FER1L6: variants seen among roughly 807,000 people sequenced by gnomAD.
FER1L6 encodes the protein fer-1-like protein 6.
In FER1L6, 177 loss-of-function variants were observed where a neutral mutation model predicts 219.2. The observed-to-expected ratio is 0.81, with a 90% confidence interval of 0.71 to 0.91. FER1L6 has a LOEUF of 0.91. FER1L6 is among the 40% of genes least tolerant of loss of function. FER1L6 has a pLI of 0.00. For missense variants in FER1L6, 2,153 were observed against 2,259.9 expected (o/e 0.95, Z 0.96); for synonymous variants, 768 against 824.3 (o/e 0.93, Z 1.17).
At chr8:124,054,199 T>G in intron 22 of FER1L6, among the ~76,000 whole-genome samples, 1 of 152,160 alleles carries the variant, frequency 6.6e-6, no homozygotes, top group East Asian at 1.9e-4. Context: ...ATCCTCCACA[T>G]TCCTTCCAGA....
chr8:123,908,524 T>C (rs1411942171), intron 1 of FER1L6, among the ~76,000 whole-genome samples: 1 of 152,228 alleles, frequency 6.6e-6, no homozygotes, highest in Non-Finnish European at 1.5e-5. Flanking sequence ...AGATGTGAAA[T>C]GGGAAAATAT....
At chr8:124,001,433 C>T (rs936723173) in intron 12 of FER1L6, among the ~76,000 whole-genome samples, 51 of 152,294 alleles carry the variant, frequency 3.3e-4, no homozygotes, top group African/African-American at 1.2e-3. Flanking sequence ...TCTCTGCTCT[C>T]ATGCTCTGCC....
At chr8:123,856,540 G>A (rs900284199) in intron 1 of FER1L6, among the ~76,000 whole-genome samples, 5 of 151,390 alleles carry the variant, frequency 3.3e-5, no homozygotes, top group African/African-American at 1.2e-4. Context: ...GCAAAATGAA[G>A]TTAATGCGAT....
chr8:123,961,539 G>T (rs180975466), intron 2 of FER1L6, among the ~76,000 whole-genome samples: 91 of 152,262 alleles, frequency 6.0e-4, no homozygotes, highest in Non-Finnish European at 9.7e-4. Context: ...TTGATGGTCT[G>T]GGAAGCATAG....
chr8:123,989,994 C>T (rs191743632), intron 12 of FER1L6, among the ~76,000 whole-genome samples: 132 of 152,120 alleles, frequency 8.7e-4, no homozygotes, highest in African/African-American at 2.7e-3. Flanking sequence ...ACTGGCTGGG[C>T]GCGGTGGCTC....
intron 19 of FER1L6, among the ~76,000 whole-genome samples, chr8:124,037,199 C>G (rs1293589513): frequency 6.6e-6 from 1 of 152,174 alleles, no homozygotes; most frequent in Non-Finnish European, 1.5e-5. Flanking sequence ...TGTGTGGCTG[C>G]CATTGGGAGG....
At position 124,060,279 on chromosome 8, in the gene FER1L6, T is replaced by A. The variant is rs757995575; in HGVS notation, c.2974T>A (p.Tyr992Asn). 4 of 1,613,926 alleles carry A rather than the reference T, an allele frequency of 2.5e-6. No homozygotes were observed. The highest frequency in any genetic ancestry group is 3.4e-6 in the Non-Finnish European group (4 of 1,179,970). Residue 992 changes from tyrosine (Y) to asparagine (N), a missense_variant, in exon 23 of 41, where the codon TAC becomes AAC. By Grantham distance (143) the Tyr-to-Asn change is moderately radical (BLOSUM62 -2). Coordinates refer to ENST00000522917, the MANE Select transcript of FER1L6 (RefSeq NM_001039112.2). The part of the protein sequence containing the change: ...PANIRPVLSK[Y>N]RVEVLFWGVR... ...CAACATTCGGCCGGTGCTGAGCAAA[T>A]ACCGAGTGGAGGTACGGGTCAGCGG...
rs890753456 is a variant in FER1L6, at chr8:124,035,538, G to GT, written c.2464+90dup. 1.2e-5 allele frequency: 17 copies of GT among 1,376,780 alleles called. No homozygotes were observed. The African/African-American group carries it at 2.5e-4, about 20-fold the overall frequency. 85.3% of individuals were successfully genotyped at this position (1,376,780 alleles called of 1,614,324 possible). ...ATAATAAGGAGGGCAGCATGCATGAGTTTTTTGCACATTATTTTAGGGCCA... is the reference window on the plus strand; with the variant it reads ...ATAATAAGGAGGGCAGCATGCATGAGTTTTTTTGCACATTATTTTAGGGCCA... On this transcript the variant is annotated intron_variant, in intron 19 of 40. Transcript: ENST00000522917.
At chr8:124,040,170 TG>T (rs1440440567) in intron 20 of FER1L6, among the ~76,000 whole-genome samples, 164 bp downstream of exon 20, 1 of 152,086 alleles carries the variant, frequency 6.6e-6, no homozygotes, top group Non-Finnish European at 1.5e-5. Flanking sequence ...AGGACTGGTG[TG>T]GGGAAGGTCT....
intron 10 of FER1L6, among the ~76,000 whole-genome samples, chr8:123,979,745 T>A (rs1270202279): frequency 6.6e-6 from 1 of 152,230 alleles, no homozygotes; most frequent in East Asian, 1.9e-4. Context: ...GATGAAGTGG[T>A]CCTTGAACCA....
chr8:124,037,184 C>G (rs569915659), intron 19 of FER1L6, among the ~76,000 whole-genome samples: 33 of 152,224 alleles, frequency 2.2e-4, no homozygotes, highest in Non-Finnish European at 4.6e-4. Flanking sequence ...GTGCAGTGCA[C>G]AGCTTGTGTG....
intron 13 of FER1L6, among the ~76,000 whole-genome samples, chr8:124,008,054 C>T (rs555243663): frequency 1.3e-5 from 2 of 152,146 alleles, no homozygotes; most frequent in Non-Finnish European, 2.9e-5. Context: ...GAGCAGTATA[C>T]GCTGAACCCA....
intron 39 of FER1L6, among the ~76,000 whole-genome samples, chr8:124,108,865 G>C (rs1267995269): frequency 1.3e-5 from 2 of 152,086 alleles, no homozygotes; most frequent in African/African-American, 4.8e-5. Flanking sequence ...GCAACATAGG[G>C]AGTCCCTGTC....
chr8:124,106,502 C>T (rs982512198), intron 39 of FER1L6, among the ~76,000 whole-genome samples: 3 of 150,330 alleles, frequency 2.0e-5, no homozygotes, highest in Non-Finnish European at 4.5e-5. Flanking sequence ...GAAACCTCCA[C>T]AGTTTCATCT....
intron 39 of FER1L6, among the ~76,000 whole-genome samples, chr8:124,106,589 C>T (rs1041855143): frequency 1.3e-5 from 2 of 152,072 alleles, no homozygotes; most frequent in Admixed American, 1.3e-4. Flanking sequence ...GTCCTTCTGC[C>T]TGGATTGCCT....
At chr8:123,947,409 C>A (rs1814549457) in intron 1 of FER1L6, among the ~76,000 whole-genome samples, 1 of 152,168 alleles carries the variant, frequency 6.6e-6, no homozygotes. Flanking sequence ...GAACAATTTC[C>A]TTTTTCTCCC....
chr8:123,997,436 GT>G (rs1817184800), intron 12 of FER1L6, among the ~76,000 whole-genome samples: 1 of 151,978 alleles, frequency 6.6e-6, no homozygotes, highest in South Asian at 2.1e-4. Context: ...CTGCTTTTAG[GT>G]TCTTTATCCT....
At position 124,118,954 on chromosome 8, in the gene FER1L6, G is replaced by GTTGC. The variant is rs112293476; in HGVS notation, c.5390+12_5390+15dup. On this transcript the variant is annotated intron_variant, in intron 40 of 40. Transcript: ENST00000522917. ...CCCTGGCCAAGCCCAAGTGAGTGGA[G>GTTGC]TTGCTAGTGGGAACATCAGAAATGG... The GTTGC allele has an allele frequency of 0.01, 16,462 of 1,607,838 alleles. 1,321 individuals are homozygous for GTTGC. In the African/African-American group the frequency reaches 0.18, roughly 18 times the overall value.
At chr8:124,014,046 G>A (rs1443719609) in intron 15 of FER1L6, among the ~76,000 whole-genome samples, 1 of 152,042 alleles carries the variant, frequency 6.6e-6, no homozygotes, top group Admixed American at 6.6e-5. Context: ...TCCTCTCTCT[G>A]AAGGCTCACT....
Sources: allele counts gnomAD v4.1 joint callset (sites outside exome capture counted in the v4.1 genomes callset), GRCh38; gene constraint gnomAD v4.1.1; transcripts MANE v1.5; gene names NCBI Gene and HGNC (gene_info 2026-07-23, HGNC 2026-07-21).